The following PTH2R variants were observed in gnomAD, a reference collection of about 807,000 sequenced individuals.
The protein encoded by PTH2R is PTH2 receptor.
PTH2R carries 59 observed loss-of-function variants against 60.3 expected under a neutral mutation model. The observed-to-expected ratio is 0.98, with a 90% CI of 0.79 to 1.22. The LOEUF is 1.22. Among genes scored for constraint, PTH2R ranks in the 50% most tolerant of loss-of-function variants. The pLI is 0.00. For missense variants in PTH2R, 749 were observed against 682.6 expected, an observed-to-expected ratio of 1.10 and a Z score of -1.08; for synonymous variants, 256 against 243.8, an observed-to-expected ratio of 1.05 and a Z score of -0.47.
chr2:208,477,895 G>A (rs1310882160), intron 9 of PTH2R, among the ~76,000 whole-genome samples: 1 of 145,158 alleles, frequency 6.9e-6, no homozygotes, highest in Non-Finnish European at 1.5e-5. Flanking sequence ...ACTAGTACTA[G>A]CACTACTACT....
chr2:208,360,126 T>C (rs200002875), exon 1 of PTH2R: 2 of 413,890 alleles, frequency 4.8e-6, no homozygotes, highest in South Asian at 1.7e-5. Context: ...GAAAATGACC[T>C]TTTTATGCTT....
At chr2:208,471,260 G>T (rs1256553388) in intron 9 of PTH2R, among the ~76,000 whole-genome samples, 1 of 152,250 alleles carries the variant, frequency 6.6e-6, no homozygotes, top group Non-Finnish European at 1.5e-5. Context: ...GGAGTCAAAT[G>T]TTAATCCCCA....
At chr2:208,374,837 C>T (rs10189419) in intron 1 of PTH2R, among the ~76,000 whole-genome samples, 57,291 of 151,936 alleles carry the variant, frequency 0.38, 11,429 homozygotes, top group East Asian at 0.54. Context: ...AGCAACTAAA[C>T]CAGGAAAGAC....
upstream of PTH2R, among the ~76,000 whole-genome samples, chr2:208,405,489 C>CA (rs1359127207): frequency 6.6e-6 from 1 of 152,086 alleles, no homozygotes; most frequent in Non-Finnish European, 1.5e-5. Context: ...TAAACATAGA[C>CA]AGTGCTTTTC....
chr2:208,447,298 T>C (rs1376461409), intron 7 of PTH2R, among the ~76,000 whole-genome samples: 2 of 151,698 alleles, frequency 1.3e-5, no homozygotes, highest in African/African-American at 4.8e-5. Context: ...TAAAAATAAA[T>C]TGGAAGGAGG....
intron 1 of PTH2R, among the ~76,000 whole-genome samples, chr2:208,377,603 C>A (rs1213343343): frequency 1.3e-5 from 2 of 151,088 alleles, no homozygotes; most frequent in East Asian, 3.9e-4. Context: ...TGACCCCCCA[C>A]CTGCCTCCGG....
At chr2:208,400,944 C>G (rs993299036) in intron 1 of PTH2R, among the ~76,000 whole-genome samples, 1 of 152,022 alleles carries the variant, frequency 6.6e-6, no homozygotes, top group African/African-American at 2.4e-5. Flanking sequence ...CATAGTAGAC[C>G]TCAATATACA....
At chr2:208,448,154 A>G (rs746765347) in intron 7 of PTH2R, among the ~76,000 whole-genome samples, 1 of 152,212 alleles carries the variant, frequency 6.6e-6, no homozygotes, top group East Asian at 1.9e-4. Flanking sequence ...TTTGTAAAAT[A>G]TCTTAATCCA....
chr2:208,377,468 C>A (rs1271810377), intron 1 of PTH2R, among the ~76,000 whole-genome samples: 1 of 144,838 alleles, frequency 6.9e-6, no homozygotes, highest in Non-Finnish European at 1.5e-5. Flanking sequence ...GTGCCCCCCA[C>A]CTCCCGGATG....
At chr2:208,371,414 A>G (rs1450964925) in intron 1 of PTH2R, among the ~76,000 whole-genome samples, 1 of 152,114 alleles carries the variant, frequency 6.6e-6, no homozygotes, top group African/African-American at 2.4e-5. Flanking sequence ...AGAACCTTTT[A>G]TACTTTCTCA....
intron 1 of PTH2R, among the ~76,000 whole-genome samples, chr2:208,410,400 C>T (rs773200856): frequency 2.6e-5 from 4 of 152,116 alleles, no homozygotes; most frequent in Non-Finnish European, 5.9e-5. Context: ...CTACTGGTAC[C>T]CTCATTGTGG....
chr2:208,483,788 T>C (rs1440056819), intron 10 of PTH2R, among the ~76,000 whole-genome samples: 1 of 152,218 alleles, frequency 6.6e-6, no homozygotes, highest in Non-Finnish European at 1.5e-5. Context: ...ATATCCTTAA[T>C]TATGTCCAAA....
At chr2:208,405,952 C>T (rs1382817122), upstream of PTH2R, among the ~76,000 whole-genome samples, 3 of 152,230 alleles carry the variant, frequency 2.0e-5, no homozygotes, top group Non-Finnish European at 4.4e-5. Context: ...ACTTCCCAGC[C>T]TCCAGACTGT....
chr2:208,473,108 G>A (rs1462581845), intron 9 of PTH2R, among the ~76,000 whole-genome samples: 1 of 152,144 alleles, frequency 6.6e-6, no homozygotes, highest in Non-Finnish European at 1.5e-5. Flanking sequence ...ATGAATATTG[G>A]TCCATTTCCA....
At chr2:208,451,969 A>G (rs1043427492) in intron 8 of PTH2R, among the ~76,000 whole-genome samples, 15 of 152,194 alleles carry the variant, frequency 9.9e-5, no homozygotes, top group African/African-American at 3.4e-4. Flanking sequence ...ATCTTGATTT[A>G]ACTGCTTTGT....
Position 208,488,912 on chromosome 2 carries a change from C to A in PTH2R, c.1077-100C>A, listed in dbSNP as rs976425395. 6.6e-6 allele frequency: 8 copies of A among 1,219,736 alleles called. No individual in the cohort carries two copies. In the Admixed American group the frequency reaches 6.7e-5, roughly 10 times the overall value. The allele number at this position is 1,219,736 out of a possible 1,614,324, so 75.6% of individuals were successfully genotyped here. On this transcript the variant is annotated intron_variant, in intron 10 of 12. Coordinates refer to ENST00000272847, the MANE Select transcript of PTH2R (RefSeq NM_005048.4). ...AGATAAAAAGAAAGTGTCAGCCCCA[C>A]CCCCATTAGCTCTGCTAAGTTTTTT...
intron 9 of PTH2R, among the ~76,000 whole-genome samples, chr2:208,473,404 A>G (rs1167355363): frequency 6.6e-6 from 1 of 152,234 alleles, no homozygotes; most frequent in African/African-American, 2.4e-5. Flanking sequence ...ATAGTAGGTA[A>G]ATAATATCAA....
At chr2:208,442,565 C>A in intron 5 of PTH2R, 104 bp downstream of exon 5, 1 of 883,646 alleles carries the variant, frequency 1.1e-6, no homozygotes, top group Admixed American at 2.0e-5. Context: ...TCCTCAAATG[C>A]AAGTTTTTGA....
At chr2:208,398,089 A>T (rs1387429755) in intron 1 of PTH2R, among the ~76,000 whole-genome samples, 1 of 152,250 alleles carries the variant, frequency 6.6e-6, no homozygotes, top group Non-Finnish European at 1.5e-5. Context: ...TTGAAAATTA[A>T]TTCATTGGGT....
Sources: gnomAD v4.1 joint callset for allele counts (sites outside exome capture counted in the v4.1 genomes callset) on GRCh38, gnomAD v4.1.1 for gene constraint, MANE v1.5 for transcripts, NCBI Gene and HGNC (gene_info 2026-07-23, HGNC 2026-07-21) for gene names.